BMERB1: variants seen among roughly 807,000 people sequenced by gnomAD.
BMERB1 encodes the protein bMERB domain containing 1.
A neutral mutation model predicts 23.6 loss-of-function variants in BMERB1; 12 were observed. The ratio of observed to expected loss-of-function variants is 0.51; its 90% CI spans 0.33 to 0.82. The LOEUF (loss-of-function observed/expected upper bound fraction) is 0.82, where lower values mean the gene tolerates loss of function less well. Among genes scored for constraint, BMERB1 ranks in the 40% least tolerant of loss-of-function variants. The pLI is 0.03. For synonymous variants in BMERB1, 122 were observed against 96.6 expected (o/e 1.26, Z -1.54); for missense variants, 247 against 255.4 (o/e 0.97, Z 0.22).
chr16:15,463,065 T>C (rs920474193), intron 1 of BMERB1, among the ~76,000 whole-genome samples: 3 of 152,000 alleles, frequency 2.0e-5, no homozygotes, highest in South Asian at 2.1e-4. Context: ...AGAGAGAACA[T>C]TGGGATAAAT....
chr16:15,555,585 G>A (rs1206838414), intron 2 of BMERB1, among the ~76,000 whole-genome samples: 2 of 152,138 alleles, frequency 1.3e-5, no homozygotes, highest in African/African-American at 2.4e-5. Flanking sequence ...CAAAGGAAAG[G>A]CCAGTGTGAC....
intron 2 of BMERB1, among the ~76,000 whole-genome samples, chr16:15,564,791 T>C (rs9922431): frequency 0.44 from 66,896 of 151,942 alleles, 15,245 homozygotes; most frequent in Middle Eastern, 0.55. Flanking sequence ...AATCAGATGG[T>C]TAGAGATGCT....
At chr16:15,501,699 C>G (rs1322062934) in intron 1 of BMERB1, among the ~76,000 whole-genome samples, 3 of 152,200 alleles carry the variant, frequency 2.0e-5, no homozygotes, top group African/African-American at 7.2e-5. Context: ...GTCTTGAACT[C>G]CTGACCTCAG....
At chr16:15,554,842 A>G (rs967854325) in intron 2 of BMERB1, among the ~76,000 whole-genome samples, 4 of 151,122 alleles carry the variant, frequency 2.6e-5, no homozygotes, top group African/African-American at 7.3e-5. Context: ...GATTTTTTGT[A>G]TTTTCAGTAG....
chr16:15,541,451 A>C (rs2052079142), intron 2 of BMERB1, among the ~76,000 whole-genome samples: 1 of 126,144 alleles, frequency 7.9e-6, no homozygotes. Flanking sequence ...TTTTTGAGAC[A>C]GGGTCTCACT....
At chr16:15,550,709 A>T in intron 2 of BMERB1, among the ~76,000 whole-genome samples, 1 of 152,302 alleles carries the variant, frequency 6.6e-6, no homozygotes, top group East Asian at 1.9e-4. Context: ...AGAAGATGAC[A>T]GCCTGGTATA....
Position 15,502,493 on chromosome 16 carries a change from A to G in BMERB1, c.107-12812A>G, listed in dbSNP as rs1230348887. On this transcript the variant is annotated intron_variant, in intron 1 of 5. Coordinates refer to ENST00000300006, the MANE Select transcript of BMERB1 (RefSeq NM_033201.3). ...GACTTCATCTCTTTGGGAAACGGTG[A>G]CTCATTAAAAGCAACGGGCGGCTTC... 3.4e-6 allele frequency: 3 copies of G among 890,270 alleles called. No individual in the cohort carries two copies. In the African/African-American group the frequency reaches 5.0e-5, roughly 15 times the overall value. 55.1% of individuals were successfully genotyped at this position (890,270 alleles called of 1,614,324 possible). A position where few individuals can be genotyped will look rare whatever the true frequency, so the allele number is the denominator to read the frequency against.
chr16:15,461,064 G>A (rs964913815), intron 1 of BMERB1, among the ~76,000 whole-genome samples: 1 of 151,114 alleles, frequency 6.6e-6, no homozygotes, highest in African/African-American at 2.4e-5. Flanking sequence ...GGCAGAGGTT[G>A]CAGTGAGCCA....
chr16:15,515,770 G>T (rs1174752053), intron 2 of BMERB1, among the ~76,000 whole-genome samples: 4 of 152,002 alleles, frequency 2.6e-5, no homozygotes, highest in African/African-American at 9.7e-5. Flanking sequence ...ATAGGCCTGA[G>T]TTTTTTTTAA....
intron 2 of BMERB1, among the ~76,000 whole-genome samples, chr16:15,520,271 C>T (rs1480938344): frequency 6.6e-6 from 1 of 152,092 alleles, no homozygotes; most frequent in Non-Finnish European, 1.5e-5. Flanking sequence ...TCTTTATTCT[C>T]AATGCCAGGA....
At chr16:15,447,808 A>T (rs1213839875) in intron 1 of BMERB1, 1 of 455,120 alleles carries the variant, frequency 2.2e-6, no homozygotes, top group East Asian at 6.9e-5. Flanking sequence ...AAGCAGGACC[A>T]CTAGACTTTG....
intron 1 of BMERB1, among the ~76,000 whole-genome samples, chr16:15,498,885 T>C (rs1348181151): frequency 6.6e-6 from 1 of 152,316 alleles, no homozygotes; most frequent in East Asian, 1.9e-4. Context: ...CTACAGTGTT[T>C]AGCACAGCCC....
chr16:15,471,416 T>A (rs185277409), intron 1 of BMERB1, among the ~76,000 whole-genome samples: 17 of 152,226 alleles, frequency 1.1e-4, no homozygotes, highest in African/African-American at 4.1e-4. Flanking sequence ...CTATGCAGAT[T>A]TTCTAATTCG....
chr16:15,500,950 C>T (rs149216270), intron 1 of BMERB1, among the ~76,000 whole-genome samples: 1 of 152,120 alleles, frequency 6.6e-6, no homozygotes, highest in South Asian at 2.1e-4. Flanking sequence ...CCGTGCCTGG[C>T]CTGAATTGAG....
At chr16:15,561,256 A>AT (rs35139646) in intron 2 of BMERB1, among the ~76,000 whole-genome samples, 3,726 of 42,220 alleles carry the variant, frequency 0.088, 990 homozygotes, top group Middle Eastern at 0.11. Flanking sequence ...CACGCCGGCC[A>AT]TTTTTTTTTT....
At chr16:15,457,961 C>G (rs979395557) in intron 1 of BMERB1, among the ~76,000 whole-genome samples, 1 of 152,158 alleles carries the variant, frequency 6.6e-6, no homozygotes, top group Non-Finnish European at 1.5e-5. Flanking sequence ...GGAAAACTGC[C>G]TTAATTAACC....
At chr16:15,477,581 T>C (rs951027430) in intron 1 of BMERB1, among the ~76,000 whole-genome samples, 2 of 152,130 alleles carry the variant, frequency 1.3e-5, no homozygotes, top group African/African-American at 2.4e-5. Flanking sequence ...CAGTGAGCCA[T>C]GATCGTGTCA....
intron 2 of BMERB1, among the ~76,000 whole-genome samples, chr16:15,516,752 T>C (rs1034528128): frequency 1.3e-5 from 2 of 152,174 alleles, no homozygotes; most frequent in African/African-American, 2.4e-5. Flanking sequence ...CTTGAAGAAA[T>C]GAAACAGCCT....
chr16:15,574,217 T>A (rs2030803156), intron 3 of BMERB1, among the ~76,000 whole-genome samples: 2 of 152,192 alleles, frequency 1.3e-5, no homozygotes, highest in Non-Finnish European at 2.9e-5. Context: ...CCATCAGATC[T>A]CATGGGAACT....
Sources: gnomAD v4.1 joint callset for allele counts (sites outside exome capture counted in the v4.1 genomes callset) on GRCh38, gnomAD v4.1.1 for gene constraint, MANE v1.5 for transcripts, NCBI Gene and HGNC (gene_info 2026-07-23, HGNC 2026-07-21) for gene names.